Variants in CNTNAP4 observed in about 807,000 individuals in gnomAD.
The protein encoded by CNTNAP4 is contactin associated protein family member 4, also known as contactin-associated protein-like 4.
In CNTNAP4, 98 loss-of-function variants were observed where a neutral mutation model predicts 148.4. That is an observed-to-expected ratio of 0.66 (90% CI 0.56 to 0.78). CNTNAP4 has a LOEUF of 0.78. CNTNAP4 is among the 30% of genes least tolerant of loss of function. CNTNAP4 has a pLI of 0.00. For synonymous variants in CNTNAP4, 730 were observed against 565.1 expected (o/e 1.29, Z -4.14); for missense variants, 1,935 against 1,565.6 (o/e 1.24, Z -3.98).
intron 21 of CNTNAP4, among the ~76,000 whole-genome samples, chr16:76,551,881 A>C (rs1484487064): frequency 6.6e-6 from 1 of 152,162 alleles, no homozygotes; most frequent in Admixed American, 6.5e-5. Flanking sequence ...CAAAAGAAAG[A>C]CTAAAGTGCA....
At position 76,366,526 on chromosome 16, in the gene CNTNAP4, G is replaced by A. The variant is rs139391045; in HGVS notation, c.390+11015G>A. On this transcript the variant is annotated intron_variant, in intron 3 of 23. Transcript: ENST00000611870. ...ATATGTATCACATTTTCTTTATCCAGTCTTTCATTGATGGGCATTTATGTT... is the reference window on the plus strand; with the variant it reads ...ATATGTATCACATTTTCTTTATCCAATCTTTCATTGATGGGCATTTATGTT... Among the ~76,000 whole-genome samples the A allele has an allele frequency of 6.8e-4, 103 of 152,190 alleles. 1 individual carries two copies. Among genetic ancestry groups the A allele is most frequent in the African/African-American group, 2.2e-3 (91 of 41,538 alleles).
intron 1 of CNTNAP4, chr16:76,309,738 A>C: frequency 1.6e-6 from 1 of 639,694 alleles, no homozygotes; most frequent in Non-Finnish European, 2.8e-6. Flanking sequence ...GAGGTAATTG[A>C]ATTGGGGTTT....
intron 4 of CNTNAP4, among the ~76,000 whole-genome samples, chr16:76,441,191 A>T (rs368484803): frequency 2.6e-5 from 4 of 151,990 alleles, no homozygotes; most frequent in Non-Finnish European, 5.9e-5. Flanking sequence ...GTCTTCCCCA[A>T]TTGACTATAA....
chr16:76,397,970 ATATATATATATATATATAT>A (rs2078268341), intron 3 of CNTNAP4, among the ~76,000 whole-genome samples: 7 of 55,024 alleles, frequency 1.3e-4, no homozygotes, highest in Admixed American at 1.8e-4. Context: ...ATATATATAT[ATATATATATATATATATAT>A]ATATATATAT....
intron 3 of CNTNAP4, among the ~76,000 whole-genome samples, chr16:76,401,117 A>C (rs2078400366): frequency 6.6e-6 from 1 of 152,092 alleles, no homozygotes; most frequent in Non-Finnish European, 1.5e-5. Context: ...GAATCTGTAC[A>C]TTGCTTTGGG....
At chr16:76,502,973 A>T (rs1431018183) in intron 15 of CNTNAP4, among the ~76,000 whole-genome samples, 1 of 152,194 alleles carries the variant, frequency 6.6e-6, no homozygotes, top group African/African-American at 2.4e-5. Context: ...AGTACCGGTT[A>T]TGAGGTTACC....
chr16:76,355,385 A>G lies in CNTNAP4; in HGVS notation c.264A>G (p.Arg88=). The change falls in exon 3 of 24, where the codon AGA becomes AGG. Residue 88 remains arginine (R), a synonymous_variant. Coordinates refer to ENST00000611870, the MANE Select transcript of CNTNAP4 (RefSeq NM_033401.5). ...YQWLQIDLGE[R]MEVTAVATQG... ...GGTTGCAGATTGACCTTGGAGAGAG[A>G]ATGGAGGTCACCGCTGTGGCCACTC... The G allele has an allele frequency of 6.2e-7, 1 of 1,609,492 alleles. No homozygotes were observed. The highest frequency in any genetic ancestry group is 8.5e-7 in the Non-Finnish European group (1 of 1,177,490).
intron 21 of CNTNAP4, among the ~76,000 whole-genome samples, chr16:76,541,000 G>T (rs1398359889): frequency 6.6e-6 from 1 of 152,056 alleles, no homozygotes; most frequent in South Asian, 2.1e-4. Context: ...TCCTTTGATG[G>T]TAAGGTCACT....
chr16:76,553,371 C>T lies in CNTNAP4; in HGVS notation c.3531C>T (p.Ala1177=). 2 of 1,612,750 alleles carry T rather than the reference C, an allele frequency of 1.2e-6. No individual in the cohort carries two copies. Among genetic ancestry groups the T allele is most frequent in the Admixed American group, 1.7e-5 (1 of 59,912 alleles). The change falls in exon 22 of 24, where the codon GCC becomes GCT. Residue 1177 remains alanine, a synonymous_variant. Coordinates refer to ENST00000611870, the MANE Select transcript of CNTNAP4 (RefSeq NM_033401.5). ...CTGCAGTGCAGCTCAGCCACGTGGC[C>T]CCTCTGAAGGCAGCTCTGCACCCCA... The part of the protein sequence containing the change: ...CLSAVQLSHV[A]PLKAALHPSH...
chr16:76,340,411 C>G (rs1242903783), intron 2 of CNTNAP4, among the ~76,000 whole-genome samples: 1 of 152,138 alleles, frequency 6.6e-6, no homozygotes, highest in African/African-American at 2.4e-5. Context: ...TTTCCTGTTG[C>G]TTCAATTTAC....
chr16:76,334,505 AT>A (rs1475169770), intron 2 of CNTNAP4, among the ~76,000 whole-genome samples: 1 of 152,218 alleles, frequency 6.6e-6, no homozygotes, highest in Non-Finnish European at 1.5e-5. Context: ...AAGACTTTTA[AT>A]TATCCTTCAA....
chr16:76,343,097 C>T (rs1320703458), intron 2 of CNTNAP4, among the ~76,000 whole-genome samples: 2 of 151,258 alleles, frequency 1.3e-5, no homozygotes, highest in African/African-American at 2.4e-5. Flanking sequence ...AGAAGCATAA[C>T]CTATTTTTTT....
chr16:76,363,730 A>G (rs1309052381), intron 3 of CNTNAP4, among the ~76,000 whole-genome samples: 1 of 152,204 alleles, frequency 6.6e-6, no homozygotes, highest in East Asian at 1.9e-4. Flanking sequence ...TTTGGAAACC[A>G]TGTATCTGAT....
At chr16:76,345,215 A>G (rs1367225173) in intron 2 of CNTNAP4, among the ~76,000 whole-genome samples, 4 of 152,096 alleles carry the variant, frequency 2.6e-5, no homozygotes, top group Non-Finnish European at 4.4e-5. Flanking sequence ...GAGTATTGCC[A>G]CTTATCAGGA....
chr16:76,376,907 TTG>T (rs5817987), intron 3 of CNTNAP4, among the ~76,000 whole-genome samples: 3,051 of 143,428 alleles, frequency 0.021, 38 homozygotes, highest in Non-Finnish European at 0.023. Flanking sequence ...CTAACAAGGT[TTG>T]TGTGTGTGTG....
intron 15 of CNTNAP4, among the ~76,000 whole-genome samples, chr16:76,511,158 G>A (rs186886090): frequency 1.8e-4 from 28 of 152,210 alleles, no homozygotes; most frequent in African/African-American, 5.5e-4. Flanking sequence ...ACTCTTTGGC[G>A]TTTGAATTTT....
intron 3 of CNTNAP4, among the ~76,000 whole-genome samples, chr16:76,409,291 A>G (rs2078709717): frequency 1.3e-5 from 2 of 151,962 alleles, no homozygotes; most frequent in Admixed American, 6.6e-5. Flanking sequence ...TATTCTATAT[A>G]TTATGAATAA....
At chr16:76,409,557 CA>C (rs2144904878) in intron 3 of CNTNAP4, among the ~76,000 whole-genome samples, 3 of 151,882 alleles carry the variant, frequency 2.0e-5, no homozygotes, top group African/African-American at 7.2e-5. Context: ...GTATAATTTC[CA>C]AAAATTATAT....
chr16:76,375,919 T>C (rs2015368028), intron 3 of CNTNAP4, among the ~76,000 whole-genome samples: 1 of 152,214 alleles, frequency 6.6e-6, no homozygotes, highest in South Asian at 2.1e-4. Flanking sequence ...TGCATTCAGA[T>C]GCAGGCTCCA....
Sources: allele counts gnomAD v4.1 joint callset (sites outside exome capture counted in the v4.1 genomes callset), GRCh38; gene constraint gnomAD v4.1.1; transcripts MANE v1.5; gene names NCBI Gene and HGNC (gene_info 2026-07-23, HGNC 2026-07-21).